CTNND2: variants seen among roughly 807,000 people sequenced by gnomAD.
The protein encoded by CTNND2 is catenin delta-2.
A neutral mutation model predicts 144.4 loss-of-function variants in CTNND2; 22 were observed. That is an observed-to-expected ratio of 0.15 (90% confidence interval 0.11 to 0.22). CTNND2 has a LOEUF of 0.22. CTNND2 is among the 10% of genes least tolerant of loss of function. The pLI, the probability that CTNND2 is intolerant of heterozygous loss-of-function variation, is 1.00. For missense variants in CTNND2, 1,353 were observed against 1,618.8 expected (o/e 0.84, Z 2.82); for synonymous variants, 751 against 695.6 (o/e 1.08, Z -1.25).
intron 9 of CTNND2, among the ~76,000 whole-genome samples, chr5:11,304,318 C>A (rs1318487338): frequency 6.7e-6 from 1 of 148,300 alleles, no homozygotes; most frequent in Non-Finnish European, 1.5e-5. Flanking sequence ...CACGGACACA[C>A]CACACACACA....
intron 3 of CTNND2, among the ~76,000 whole-genome samples, chr5:11,538,842 T>G (rs1258108870): frequency 6.6e-6 from 1 of 152,170 alleles, no homozygotes; most frequent in Non-Finnish European, 1.5e-5. Flanking sequence ...AATGACAAAG[T>G]TCTCATAAAC....
At chr5:11,818,222 C>T (rs1290644004) in intron 1 of CTNND2, among the ~76,000 whole-genome samples, 1 of 151,828 alleles carries the variant, frequency 6.6e-6, no homozygotes, top group African/African-American at 2.4e-5. Context: ...ATCATAAGGG[C>T]TTTGACAATA....
intron 3 of CTNND2, among the ~76,000 whole-genome samples, chr5:11,412,822 A>G (rs933736556): frequency 2.0e-5 from 3 of 152,184 alleles, no homozygotes; most frequent in Admixed American, 2.0e-4. Context: ...AGAAATCTAC[A>G]TGCTAATTCC....
At chr5:11,339,626 C>G (rs545334071) in intron 9 of CTNND2, among the ~76,000 whole-genome samples, 2 of 152,290 alleles carry the variant, frequency 1.3e-5, no homozygotes, top group South Asian at 2.1e-4. Flanking sequence ...AGGCTGAAAC[C>G]TAATCACAAA....
At chr5:10,980,148 A>C (rs1737042746) in intron 21 of CTNND2, among the ~76,000 whole-genome samples, 1 of 152,170 alleles carries the variant, frequency 6.6e-6, no homozygotes, top group African/African-American at 2.4e-5. Flanking sequence ...TTTGCAATCT[A>C]TCCATCTGAC....
intron 3 of CTNND2, among the ~76,000 whole-genome samples, chr5:11,505,686 G>A (rs561390654): frequency 7.2e-5 from 11 of 151,924 alleles, no homozygotes; most frequent in Admixed American, 2.0e-4. Flanking sequence ...TTTTTCATTC[G>A]CACCCCAAGT....
At chr5:11,249,973 T>G (rs908649732) in intron 9 of CTNND2, among the ~76,000 whole-genome samples, 1 of 152,206 alleles carries the variant, frequency 6.6e-6, no homozygotes, top group African/African-American at 2.4e-5. Flanking sequence ...GGCTGCAGTG[T>G]CCAAGTGTCC....
chr5:11,309,879 G>A (rs980331867), intron 9 of CTNND2, among the ~76,000 whole-genome samples: 1 of 152,048 alleles, frequency 6.6e-6, no homozygotes, highest in Non-Finnish European at 1.5e-5. Context: ...GAGTTCTCAT[G>A]TGTGGCACCT....
intron 15 of CTNND2, among the ~76,000 whole-genome samples, chr5:11,093,966 C>T (rs1244848963): frequency 6.6e-6 from 1 of 152,028 alleles, no homozygotes; most frequent in Non-Finnish European, 1.5e-5. Context: ...AAGAATTGTC[C>T]ACTTGCTCTT....
intron 15 of CTNND2, among the ~76,000 whole-genome samples, chr5:11,096,646 C>CA (rs1751379236): frequency 6.6e-6 from 1 of 152,136 alleles, no homozygotes; most frequent in Non-Finnish European, 1.5e-5. Context: ...GTCTTACATT[C>CA]AAAATCTTCT....
At position 11,904,070 on chromosome 5, in the gene CTNND2, C is replaced by A. The variant is rs1399031143; in HGVS notation, c.-217G>T. 2 of 270,844 alleles carry A rather than the reference C, an allele frequency of 7.4e-6. No homozygotes were observed. The highest frequency in any genetic ancestry group is 5.9e-5 in the Admixed American group (1 of 17,078). The allele number at this position is 270,844 out of a possible 1,614,324, so 16.8% of individuals were successfully genotyped here. A position where few individuals can be genotyped will look rare whatever the true frequency, so the allele number is the denominator to read the frequency against. Reference sequence around the variant, plus strand: ...AGTGCGCAGCGCCCGGCCCGGCGGCCCCTCCGAGCTCGGCGAGCGCAGCGC... The same window carrying A: ...AGTGCGCAGCGCCCGGCCCGGCGGCACCTCCGAGCTCGGCGAGCGCAGCGC... On this transcript the variant is annotated 5_prime_UTR_variant, in exon 1 of 22. Transcript: ENST00000304623. The surrounding 1 kb of genome is among the most constrained non-coding windows in gnomAD (Gnocchi z 4.2).
At chr5:11,582,180 A>C (rs1413200044) in intron 2 of CTNND2, among the ~76,000 whole-genome samples, 1 of 152,190 alleles carries the variant, frequency 6.6e-6, no homozygotes, top group Non-Finnish European at 1.5e-5. Flanking sequence ...AGAGACAATA[A>C]ATTCCTACTC....
intron 1 of CTNND2, among the ~76,000 whole-genome samples, chr5:11,813,312 T>C (rs1019772075): frequency 2.0e-5 from 3 of 152,152 alleles, no homozygotes; most frequent in African/African-American, 7.2e-5. Flanking sequence ...GATGCATTTC[T>C]CAGAACGTAT....
At chr5:11,663,028 A>G (rs1783360253) in intron 2 of CTNND2, among the ~76,000 whole-genome samples, 1 of 152,224 alleles carries the variant, frequency 6.6e-6, no homozygotes, top group East Asian at 1.9e-4. Context: ...ATGAGAAGTG[A>G]GGAAGGCACC....
In CTNND2 at chr5:11,800,838, A is replaced by G. The variant is rs1167258861; in HGVS notation, c.38-68566T>C. Among the ~76,000 whole-genome samples, 3 of 152,214 alleles carry G rather than the reference A, an allele frequency of 2.0e-5. No individual in the cohort carries two copies. The East Asian group carries it at 5.8e-4, about 29-fold the overall frequency. On this transcript the variant is annotated intron_variant, in intron 1 of 21. Coordinates refer to ENST00000304623, the MANE Select transcript of CTNND2 (RefSeq NM_001332.4). Reference sequence around the variant, plus strand: ...CCAAAGATAAAGTAATAGATACTTTATAAGTCTTATTTATAAATCACAAAA... The same window carrying G: ...CCAAAGATAAAGTAATAGATACTTTGTAAGTCTTATTTATAAATCACAAAA...
chr5:11,892,708 C>T (rs1287035208), intron 1 of CTNND2, among the ~76,000 whole-genome samples: 1 of 151,568 alleles, frequency 6.6e-6, no homozygotes. Flanking sequence ...AAAAACCTCA[C>T]ATAGCCACCA....
chr5:11,082,410 C>T (rs890407069), intron 16 of CTNND2, among the ~76,000 whole-genome samples: 1 of 152,182 alleles, frequency 6.6e-6, no homozygotes, highest in Admixed American at 6.5e-5. Flanking sequence ...AACAGCCTGT[C>T]AGAGATTCAG....
At chr5:11,580,937 C>T (rs1051899745) in intron 2 of CTNND2, among the ~76,000 whole-genome samples, 3 of 152,148 alleles carry the variant, frequency 2.0e-5, no homozygotes, top group African/African-American at 4.8e-5. Context: ...TCCTCCTCTG[C>T]CCACACCTTT....
At chr5:11,314,926 GT>G (rs1751343849) in intron 9 of CTNND2, among the ~76,000 whole-genome samples, 1 of 152,032 alleles carries the variant, frequency 6.6e-6, no homozygotes. Flanking sequence ...AATGCATAAA[GT>G]TTTTTTAGAA....
Sources: gnomAD v4.1 joint callset for allele counts (sites outside exome capture counted in the v4.1 genomes callset) on GRCh38, gnomAD v4.1.1 for gene constraint, Gnocchi (gnomAD v3.1) non-coding constraint, MANE v1.5 for transcripts, NCBI Gene and HGNC (gene_info 2026-07-23, HGNC 2026-07-21) for gene names.